CDH13: variants seen among roughly 807,000 people sequenced by gnomAD.
The protein encoded by CDH13 is cadherin 13, also known as cadherin-13.
Under a neutral mutation model 63.8 loss-of-function variants are expected in CDH13, and 24 were observed. The ratio of observed to expected loss-of-function variants is 0.38; its 90% CI spans 0.27 to 0.53. The LOEUF (loss-of-function observed/expected upper bound fraction) is 0.53. CDH13 is among the 20% of genes least tolerant of loss of function. The pLI is 0.85. For missense variants in CDH13, 1,049 were observed against 903.1 expected (o/e 1.16, Z -2.07); for synonymous variants, 503 against 355.3 (o/e 1.42, Z -4.67).
chr16:83,132,446 C>A (rs1297983584), intron 4 of CDH13, among the ~76,000 whole-genome samples: 3 of 60,916 alleles, frequency 4.9e-5, no homozygotes, highest in African/African-American at 7.8e-5. Context: ...CCCCCCAACA[C>A]CCCCCCCTTT....
At chr16:82,710,642 TATA>T (rs1157466285) in intron 1 of CDH13, among the ~76,000 whole-genome samples, 8 of 143,106 alleles carry the variant, frequency 5.6e-5, no homozygotes, top group African/African-American at 1.0e-4. Context: ...TTACATATAA[TATA>T]ATCATTTTAT....
rs140428850 is a variant in CDH13, at chr16:83,277,105, A to G, written c.636+59608A>G. Among the ~76,000 whole-genome samples, 874 of 152,264 alleles carry G rather than the reference A, an allele frequency of 5.7e-3. 6 individuals are homozygous for G. The highest frequency in any genetic ancestry group is 0.016 in the African/African-American group (659 of 41,546). On this transcript the variant is annotated intron_variant, in intron 5 of 13. Transcript: ENST00000567109. ...GCAACACAGCCAAATCATATCACAG[A>G]ACTACCACAATACCTGTTACAAAAT...
intron 5 of CDH13, among the ~76,000 whole-genome samples, chr16:83,330,516 A>G (rs2151903114): frequency 6.6e-6 from 1 of 152,348 alleles, no homozygotes; most frequent in Middle Eastern, 3.4e-3. Context: ...GAACAGGGAT[A>G]GAGGCCAACC....
chr16:83,217,285 C>T lies in CDH13; in HGVS notation c.484-60C>T, dbSNP rs972050108. On this transcript the variant is annotated intron_variant, in intron 4 of 13. Coordinates refer to ENST00000567109, the MANE Select transcript of CDH13 (RefSeq NM_001257.5). ...TGAATTGCTCATGGGAGTATGTTTG[C>T]AATGTGCTTTCTCTGTGTTTTCCAG... The T allele has an allele frequency of 2.6e-6, 4 of 1,561,066 alleles. No homozygotes were observed. The African/African-American group carries it at 5.4e-5, about 21-fold the overall frequency.
intron 5 of CDH13, among the ~76,000 whole-genome samples, chr16:83,263,539 C>G (rs2151838021): frequency 6.6e-6 from 1 of 152,294 alleles, no homozygotes; most frequent in Non-Finnish European, 1.5e-5. Flanking sequence ...TGACTCCTCC[C>G]TAGCCACCGC....
intron 5 of CDH13, among the ~76,000 whole-genome samples, chr16:83,256,627 G>C (rs545011814): frequency 0.017 from 2,581 of 148,750 alleles, 35 homozygotes; most frequent in Non-Finnish European, 0.027. Context: ...GTCAGGAGAT[G>C]GAGGCCATCC....
intron 1 of CDH13, among the ~76,000 whole-genome samples, chr16:82,777,252 A>G (rs962030103): frequency 6.6e-6 from 1 of 152,238 alleles, no homozygotes; most frequent in Non-Finnish European, 1.5e-5. Flanking sequence ...TACAGGCACG[A>G]GCCACTGTGC....
At chr16:83,586,241 G>C (rs1431921899) in intron 7 of CDH13, among the ~76,000 whole-genome samples, 1 of 152,204 alleles carries the variant, frequency 6.6e-6, no homozygotes, top group Non-Finnish European at 1.5e-5. Context: ...ACACAGGTGT[G>C]CTTGCACCCA....
At chr16:83,708,309 A>G (rs1366728495) in intron 10 of CDH13, among the ~76,000 whole-genome samples, 1 of 152,208 alleles carries the variant, frequency 6.6e-6, no homozygotes, top group Non-Finnish European at 1.5e-5. Flanking sequence ...ATGTTCTTCA[A>G]ATGTGTTTTT....
chr16:83,526,578 G>A (rs374481326), intron 7 of CDH13, among the ~76,000 whole-genome samples: 2 of 152,192 alleles, frequency 1.3e-5, no homozygotes, highest in Non-Finnish European at 2.9e-5. Flanking sequence ...TCGCTTGCTA[G>A]CCCACTGCTC....
intron 7 of CDH13, among the ~76,000 whole-genome samples, chr16:83,502,638 A>T (rs1256563781): frequency 6.6e-6 from 1 of 152,222 alleles, no homozygotes; most frequent in Non-Finnish European, 1.5e-5. Flanking sequence ...ACCTTGAAAG[A>T]GACGATGTGT....
At chr16:83,350,648 G>A (rs1240162970) in intron 6 of CDH13, among the ~76,000 whole-genome samples, 1 of 152,120 alleles carries the variant, frequency 6.6e-6, no homozygotes, top group Non-Finnish European at 1.5e-5. Context: ...CCTGGCAGGT[G>A]CTGCTTGTTC....
At chr16:82,839,275 C>A (rs1366388975) in intron 1 of CDH13, among the ~76,000 whole-genome samples, 1 of 152,154 alleles carries the variant, frequency 6.6e-6, no homozygotes, top group African/African-American at 2.4e-5. Context: ...CCTCCCCTGG[C>A]CCTCTAGGCT....
At chr16:83,724,161 T>C (rs1436262054) in intron 10 of CDH13, among the ~76,000 whole-genome samples, 1 of 144,634 alleles carries the variant, frequency 6.9e-6, no homozygotes, top group African/African-American at 2.6e-5. Flanking sequence ...GGGTGGGTGA[T>C]GAATACATGG....
chr16:83,347,456 A>G (rs1429947848), intron 6 of CDH13, among the ~76,000 whole-genome samples: 1 of 152,116 alleles, frequency 6.6e-6, no homozygotes, highest in East Asian at 1.9e-4. Context: ...TCAGTGCATA[A>G]CCTGCCTTCA....
intron 6 of CDH13, among the ~76,000 whole-genome samples, chr16:83,424,691 C>G (rs79311654): frequency 5.3e-5 from 8 of 152,160 alleles, no homozygotes; most frequent in Non-Finnish European, 8.8e-5. Context: ...ATCTTTAGTC[C>G]TAGACAAATG....
chr16:82,861,407 G>A (rs2039940985), intron 2 of CDH13, among the ~76,000 whole-genome samples: 4 of 152,194 alleles, frequency 2.6e-5, no homozygotes, highest in Admixed American at 2.0e-4. Context: ...TTGTCTGAAA[G>A]TGCTGTCTCT....
chr16:82,739,784 A>C (rs2033849216), intron 1 of CDH13, among the ~76,000 whole-genome samples: 1 of 152,226 alleles, frequency 6.6e-6, no homozygotes, highest in Non-Finnish European at 1.5e-5. Context: ...GAATGGTGAG[A>C]TAAATATATG....
At chr16:82,678,861 C>G (rs1232529353) in intron 1 of CDH13, among the ~76,000 whole-genome samples, 2 of 152,186 alleles carry the variant, frequency 1.3e-5, no homozygotes, top group East Asian at 3.9e-4. Context: ...ACAACTCTTT[C>G]ATCATCCCTG....
Sources: allele counts gnomAD v4.1 joint callset (sites outside exome capture counted in the v4.1 genomes callset), GRCh38; gene constraint gnomAD v4.1.1; transcripts MANE v1.5; gene names NCBI Gene and HGNC (gene_info 2026-07-23, HGNC 2026-07-21).